Variants in GALNT18 observed in about 807,000 individuals in gnomAD.
GALNT18 encodes GalNAc-transferase 18.
A neutral mutation model predicts 69.5 loss-of-function variants in GALNT18; 44 were observed. The observed-to-expected ratio is 0.63, with a 90% CI of 0.50 to 0.81. The LOEUF is 0.81. GALNT18 is among the 40% of genes least tolerant of loss of function. The pLI, the probability that GALNT18 is intolerant of heterozygous loss-of-function variation, is 0.00. For missense variants in GALNT18, 715 were observed against 810.0 expected (o/e 0.88, Z 1.42); for synonymous variants, 364 against 318.2 (o/e 1.14, Z -1.53).
At chr11:11,528,644 C>A (rs1473076431) in intron 1 of GALNT18, among the ~76,000 whole-genome samples, 2 of 152,038 alleles carry the variant, frequency 1.3e-5, no homozygotes, top group Non-Finnish European at 2.9e-5. Flanking sequence ...CTATGCGGGG[C>A]AAGACTGAGA....
chr11:11,405,725 T>C (rs1215343626), intron 3 of GALNT18, among the ~76,000 whole-genome samples: 2 of 152,236 alleles, frequency 1.3e-5, no homozygotes, highest in Admixed American at 1.3e-4. Flanking sequence ...ATCTTTTCAA[T>C]GCCTAGAAGC....
chr11:11,548,795 A>G (rs1858125234), intron 1 of GALNT18, among the ~76,000 whole-genome samples: 1 of 152,242 alleles, frequency 6.6e-6, no homozygotes, highest in South Asian at 2.1e-4. Context: ...CAATTAACAG[A>G]TCTCTATGCT....
At chr11:11,354,384 G>C (rs1407413369) in intron 6 of GALNT18, among the ~76,000 whole-genome samples, 1 of 152,172 alleles carries the variant, frequency 6.6e-6, no homozygotes, top group African/African-American at 2.4e-5. Flanking sequence ...AAGACAGGAA[G>C]TCATTATGGT....
rs374396929 is a variant in GALNT18 at position 11,474,547 on chromosome 11, G to A, written c.236-25611C>T. Among the ~76,000 whole-genome samples the A allele has an allele frequency of 3.9e-5, 6 of 152,326 alleles. No homozygotes were observed. In the East Asian group the frequency reaches 7.7e-4, roughly 20 times the overall value. ...AGAATGAATGGAAGGAGGCCAGTGC[G>A]TAACTATTGAGTAGTCCAGGAAAGA... On this transcript the variant is annotated intron_variant, in intron 1 of 10. Transcript: ENST00000227756.
At chr11:11,503,123 AGGAAGTAGAC>A (rs1857006140) in intron 1 of GALNT18, among the ~76,000 whole-genome samples, 1 of 152,210 alleles carries the variant, frequency 6.6e-6, no homozygotes, top group African/African-American at 2.4e-5. Context: ...GCCACCCCTG[AGGAAGTAGAC>A]GGATTTTAGT....
chr11:11,313,717 G>A (rs1406171335), intron 9 of GALNT18, among the ~76,000 whole-genome samples: 6 of 152,122 alleles, frequency 3.9e-5, no homozygotes, highest in Non-Finnish European at 5.9e-5. Flanking sequence ...TCTACCACTC[G>A]GTAATTGTGT....
intron 9 of GALNT18, among the ~76,000 whole-genome samples, chr11:11,305,712 G>C (rs1023389356): frequency 5.9e-5 from 9 of 152,090 alleles, no homozygotes; most frequent in African/African-American, 1.9e-4. Flanking sequence ...TTTGTGCTTG[G>C]TGTTAGCTGT....
rs184822087 is a variant in GALNT18 at position 11,494,110 on chromosome 11, T to C, written c.236-45174A>G. On this transcript the variant is annotated intron_variant, in intron 1 of 10. Transcript: ENST00000227756. This position sits in a 1 kb window ranked among gnomAD's most constrained non-coding sequence, Gnocchi z 5.7. ...CATGCATATAAAGAACTTAGCACAG[T>C]ACCTTGCATATAGGAAATCTTAATA... Among the ~76,000 whole-genome samples, 2 of 152,324 alleles carry C rather than the reference T, an allele frequency of 1.3e-5. No homozygotes were observed. Among genetic ancestry groups the C allele is most frequent in the Admixed American group, 6.5e-5 (1 of 15,296 alleles).
At chr11:11,292,035 T>A (rs1399835281) in intron 10 of GALNT18, among the ~76,000 whole-genome samples, 1 of 152,064 alleles carries the variant, frequency 6.6e-6, no homozygotes, top group Non-Finnish European at 1.5e-5. Context: ...GCAGCCTCCA[T>A]CCTCACCAGG....
rs1859246140 is a variant in GALNT18 at position 11,587,092 on chromosome 11, G to A, written c.235+34267C>T. Among the ~76,000 whole-genome samples the A allele has an allele frequency of 6.6e-6, 1 of 152,070 alleles. No individual in the cohort carries two copies. Among genetic ancestry groups the A allele is most frequent in the South Asian group, 2.1e-4 (1 of 4,810 alleles). ...AGATGCTTCCAGCACCCATTATCCT[G>A]ACCCCTCCCCCAGTATCCAAACCTT... On this transcript the variant is annotated intron_variant, in intron 1 of 10. Coordinates refer to ENST00000227756, the MANE Select transcript of GALNT18 (RefSeq NM_198516.3). This position sits in a 1 kb window ranked among gnomAD's most constrained non-coding sequence, Gnocchi z 4.4.
At chr11:11,407,143 T>A (rs1854606679) in intron 3 of GALNT18, among the ~76,000 whole-genome samples, 4 of 152,188 alleles carry the variant, frequency 2.6e-5, no homozygotes, top group Non-Finnish European at 5.9e-5. Context: ...CAAGCTGGGA[T>A]TTTACACGTC....
chr11:11,395,487 G>A (rs142384630), intron 3 of GALNT18, among the ~76,000 whole-genome samples: 1 of 152,340 alleles, frequency 6.6e-6, no homozygotes, highest in East Asian at 1.9e-4. Context: ...GATCCCATGA[G>A]ATGGGGAAAC....
intron 1 of GALNT18, among the ~76,000 whole-genome samples, chr11:11,460,627 C>G (rs538916504): frequency 5.9e-5 from 9 of 152,280 alleles, no homozygotes; most frequent in Non-Finnish European, 1.0e-4. Flanking sequence ...AAGGAGAGCC[C>G]TAGCTGGTGC....
chr11:11,609,802 A>G (rs1401115092), intron 1 of GALNT18, among the ~76,000 whole-genome samples: 1 of 152,146 alleles, frequency 6.6e-6, no homozygotes, highest in African/African-American at 2.4e-5. Context: ...GTTTAACTCC[A>G]AATATTCCAT....
chr11:11,275,090 T>C (rs1848912099), intron 10 of GALNT18, among the ~76,000 whole-genome samples: 1 of 152,244 alleles, frequency 6.6e-6, no homozygotes, highest in South Asian at 2.1e-4. Context: ...AAATAGTATT[T>C]CTAGTTCTAG....
chr11:11,369,118 T>C (rs184581027), intron 6 of GALNT18, among the ~76,000 whole-genome samples: 13 of 152,358 alleles, frequency 8.5e-5, no homozygotes, highest in Admixed American at 7.2e-4. Flanking sequence ...AGATTCTCCA[T>C]GTAGAATAGC....
At chr11:11,561,291 G>A (rs567655592) in intron 1 of GALNT18, among the ~76,000 whole-genome samples, 15 of 152,224 alleles carry the variant, frequency 9.9e-5, no homozygotes, top group Non-Finnish European at 1.5e-4. Flanking sequence ...CCTTCCACTC[G>A]CAACGCCACC....
intron 10 of GALNT18, among the ~76,000 whole-genome samples, chr11:11,274,491 C>A (rs1385087331): frequency 6.6e-6 from 1 of 152,200 alleles, no homozygotes; most frequent in Non-Finnish European, 1.5e-5. Context: ...ACCTGGGATG[C>A]TCAAGCTTGG....
intron 1 of GALNT18, among the ~76,000 whole-genome samples, chr11:11,452,418 T>C (rs1346751987): frequency 6.6e-6 from 1 of 152,106 alleles, no homozygotes; most frequent in African/African-American, 2.4e-5. Context: ...CATAGTAAGC[T>C]CTCCATAAAC....
Sources: allele counts gnomAD v4.1 joint callset (sites outside exome capture counted in the v4.1 genomes callset), GRCh38; gene constraint gnomAD v4.1.1; non-coding constraint Gnocchi (gnomAD v3.1); transcripts MANE v1.5; gene names NCBI Gene and HGNC (gene_info 2026-07-23, HGNC 2026-07-21).